Variants in MYO16 observed in about 807,000 individuals in gnomAD.
The protein encoded by MYO16 is unconventional myosin-XVI.
MYO16 carries 94 observed loss-of-function variants against 205.3 expected under a neutral mutation model. The observed-to-expected ratio is 0.46, with a 90% CI of 0.39 to 0.54. The LOEUF is 0.54. Among genes scored for constraint, MYO16 ranks in the 20% least tolerant of loss-of-function variants. The pLI, the probability that MYO16 is intolerant of heterozygous loss-of-function variation, is 0.00. For synonymous variants in MYO16, 988 were observed against 954.0 expected (o/e 1.04, Z -0.66); for missense variants, 2,315 against 2,387.5 (o/e 0.97, Z 0.63).
At chr13:108,855,172 TGACA>T in intron 10 of MYO16, 1 of 312,120 alleles carries the variant, frequency 3.2e-6, no homozygotes, top group Non-Finnish European at 6.0e-6. Flanking sequence ...GAACTCATCT[TGACA>T]GACCTAATGC....
Position 109,140,555 on chromosome 13 carries a change from A to T in MYO16, c.4343A>T (p.Asp1448Val). The change falls in exon 32 of 35, where the codon GAC (aspartate) becomes GTC (valine). Residue 1448 changes from aspartate (D) to valine (V), a missense_variant. Asp to Val is a radical substitution (Grantham distance 152, BLOSUM62 -3). This residue lies in a region of MYO16 where 1,097 missense variants were observed against 1,092.0 expected (regional missense o/e 1.00). Transcript: ENST00000457511. This position sits in a 1 kb window ranked among gnomAD's most constrained non-coding sequence, Gnocchi z 8.0. The stretch of plus-strand genomic sequence containing the variant: ...CACGCGGCCAGGCCCGATAGCCCGG[A>T]CCCCGGGGAGTCCGTGTACGAGGAG... ...LGHAARPDSPDPGESVYEEMK... is the reference protein window; with the variant it reads ...LGHAARPDSPVPGESVYEEMK... 6.5e-7 allele frequency: 1 copy of T among 1,541,904 alleles called. No homozygotes were observed. The highest frequency in any genetic ancestry group is 8.7e-7 in the Non-Finnish European group (1 of 1,151,344).
chr13:108,641,363 A>T (rs369117521), intron 1 of MYO16, among the ~76,000 whole-genome samples: 7 of 152,222 alleles, frequency 4.6e-5, no homozygotes, highest in African/African-American at 1.4e-4. Flanking sequence ...GTTATTGATT[A>T]TCTAGAAATG....
chr13:108,886,394 T>C (rs1330859947), intron 13 of MYO16: 2 of 455,862 alleles, frequency 4.4e-6, no homozygotes, highest in Non-Finnish European at 8.8e-6. Context: ...AGGATTTTGC[T>C]CCTTAGCTCG....
chr13:108,867,438 C>G (rs923525279), intron 12 of MYO16, among the ~76,000 whole-genome samples: 1 of 152,056 alleles, frequency 6.6e-6, no homozygotes, highest in Non-Finnish European at 1.5e-5. Context: ...GTGTTGAAAC[C>G]TGCCTACCCT....
chr13:108,802,810 C>A (rs534090509), intron 6 of MYO16, among the ~76,000 whole-genome samples: 1 of 152,256 alleles, frequency 6.6e-6, no homozygotes, highest in African/African-American at 2.4e-5. Flanking sequence ...ATTTGCAGCA[C>A]CCTAATGATT....
At chr13:109,152,702 A>G (rs758735264) in intron 32 of MYO16, among the ~76,000 whole-genome samples, 9 of 152,126 alleles carry the variant, frequency 5.9e-5, no homozygotes, top group Non-Finnish European at 4.4e-5. Flanking sequence ...TTAGAAACAA[A>G]CGTTCCTTTT....
intron 1 of MYO16, among the ~76,000 whole-genome samples, chr13:108,617,961 C>T (rs987877845): frequency 1.3e-5 from 2 of 152,130 alleles, no homozygotes; most frequent in South Asian, 4.1e-4. Context: ...TCACCAAACA[C>T]CCAAGCACCT....
the MYO16 span, among the ~76,000 whole-genome samples, chr13:108,560,166 TAA>T: frequency 1.3e-5 from 2 of 152,230 alleles, no homozygotes; most frequent in East Asian, 3.9e-4. Context: ...TATTTCAGGC[TAA>T]GAGTAAGCTA....
chr13:109,140,265 T>C lies in MYO16; in HGVS notation c.4053T>C (p.Ala1351=). ...TGACCGCGTCCTTTCCTGCCGCAGC[T>C]CTGGCCCGGCCCAGACCGCACAGCG... ...LSAAREAANE[A]LARPRPHSDD... is the part of the protein sequence containing the mutation. The change falls in exon 32 of 35, where the codon GCT becomes GCC. Residue 1351 remains alanine, a splice_region_variant and synonymous_variant. Coordinates refer to ENST00000457511, the MANE Select transcript of MYO16 (RefSeq NM_001198950.3). This position sits in a 1 kb window ranked among gnomAD's most constrained non-coding sequence, Gnocchi z 8.0. The C allele has an allele frequency of 5.0e-6, 8 of 1,598,746 alleles. No homozygotes were observed. Among genetic ancestry groups the C allele is most frequent in the Non-Finnish European group, 5.9e-6 (7 of 1,178,770 alleles).
chr13:109,106,888 G>T (rs1433990653), intron 28 of MYO16, among the ~76,000 whole-genome samples: 1 of 152,194 alleles, frequency 6.6e-6, no homozygotes, highest in Non-Finnish European at 1.5e-5. Context: ...CCCGTTTGAG[G>T]CAGGAACTTG....
intron 4 of MYO16, among the ~76,000 whole-genome samples, chr13:108,756,071 T>C (rs1260382220): frequency 1.3e-5 from 2 of 152,206 alleles, no homozygotes; most frequent in Non-Finnish European, 2.9e-5. Context: ...TAATTTTATT[T>C]TTCTGCTCAG....
At chr13:108,618,325 A>G (rs1879420663) in intron 1 of MYO16, among the ~76,000 whole-genome samples, 1 of 152,178 alleles carries the variant, frequency 6.6e-6, no homozygotes, top group East Asian at 1.9e-4. Flanking sequence ...TTCAGGACAG[A>G]AGAGCACCTG....
chr13:108,855,186 C>T (rs1594346769), intron 10 of MYO16: 1 of 337,516 alleles, frequency 3.0e-6, no homozygotes, highest in African/African-American at 2.1e-5. Flanking sequence ...AGACCTAATG[C>T]CTGGGCTAAC....
At chr13:109,034,855 A>C (rs1307703519) in intron 23 of MYO16, among the ~76,000 whole-genome samples, 1 of 152,164 alleles carries the variant, frequency 6.6e-6, no homozygotes, top group East Asian at 1.9e-4. Context: ...TTGTTGATGG[A>C]TTATGCTAAT....
chr13:109,093,582 C>T (rs1347474505), intron 27 of MYO16, among the ~76,000 whole-genome samples: 1 of 152,074 alleles, frequency 6.6e-6, no homozygotes, highest in African/African-American at 2.4e-5. Context: ...AATGCTCTTC[C>T]CTGTCTACTA....
At chr13:108,589,968 G>T in the MYO16 span, among the ~76,000 whole-genome samples, 1 of 152,092 alleles carries the variant, frequency 6.6e-6, no homozygotes, top group Admixed American at 6.6e-5. Flanking sequence ...TCTTTCATAT[G>T]TACTTTCCTC....
At chr13:109,030,806 C>A (rs1273671564) in intron 23 of MYO16, among the ~76,000 whole-genome samples, 1 of 152,096 alleles carries the variant, frequency 6.6e-6, no homozygotes, top group African/African-American at 2.4e-5. Context: ...CCCACTCTTT[C>A]TCTCTCAACT....
At position 108,823,184 on chromosome 13, in the gene MYO16, G is replaced by T; in HGVS notation, c.1003G>T (p.Glu335Ter). 1 of 1,612,986 alleles carries T rather than the reference G, an allele frequency of 6.2e-7. No individual in the cohort carries two copies. The highest frequency in any genetic ancestry group is 1.1e-5 in the South Asian group (1 of 91,048). ...MLLKAEIAWEEKMKEPLSAST... is the reference protein window; with the variant it reads ...MLLKAEIAWE ...GCTGAAAGCCGAAATTGCCTGGGAA[G>T]AAAAAATGAAAGAGCCTTTATCTGC... is the stretch of plus-strand genomic sequence containing the variant. Residue 335 changes from glutamate to a stop codon, truncating the protein, a stop_gained, in exon 9 of 35, where the codon GAA becomes TAA. Transcript: ENST00000457511. LOFTEE classifies it high-confidence loss of function.
chr13:109,174,909 AT>A (rs34513500), intron 33 of MYO16, among the ~76,000 whole-genome samples: 55 of 145,880 alleles, frequency 3.8e-4, no homozygotes, highest in East Asian at 8.2e-4. Flanking sequence ...ATGCCACCAC[AT>A]TTTTTTTTTT....
Sources: gnomAD v4.1 joint callset for allele counts (sites outside exome capture counted in the v4.1 genomes callset) on GRCh38, gnomAD v4.1.1 for gene constraint, gnomAD v4.1.1 regional missense constraint, Gnocchi (gnomAD v3.1) non-coding constraint, MANE v1.5 for transcripts, NCBI Gene and HGNC (gene_info 2026-07-23, HGNC 2026-07-21) for gene names.